WNT7A: variants seen among roughly 807,000 people sequenced by gnomAD.
The protein encoded by WNT7A is protein Wnt-7a.
WNT7A carries 16 observed loss-of-function variants against 28.2 expected under a neutral mutation model. The ratio of observed to expected loss-of-function variants is 0.57; its 90% CI spans 0.38 to 0.86. The LOEUF (loss-of-function observed/expected upper bound fraction) is 0.86. Ranked by LOEUF, WNT7A falls within the 40% of genes least tolerant of loss-of-function variation. WNT7A has a pLI of 0.00. For missense variants in WNT7A, 411 were observed against 489.7 expected (o/e 0.84, Z 1.52); for synonymous variants, 190 against 195.9 (o/e 0.97, Z 0.25).
intron 1 of WNT7A, among the ~76,000 whole-genome samples, chr3:13,879,207 G>A (rs1194757774): frequency 2.0e-5 from 3 of 152,222 alleles, no homozygotes; most frequent in Non-Finnish European, 2.9e-5. Flanking sequence ...GGCGGTTTAT[G>A]TTTTTGCCAG....
chr3:13,856,921 A>AAGG (rs1694746886), intron 2 of WNT7A, among the ~76,000 whole-genome samples: 2 of 104,966 alleles, frequency 1.9e-5, no homozygotes, highest in African/African-American at 4.7e-5. Context: ...GAAGAAGAAG[A>AAGG]AGAAGAAGAA....
At chr3:13,842,536 G>A (rs1333625419) in intron 3 of WNT7A, among the ~76,000 whole-genome samples, 2 of 152,220 alleles carry the variant, frequency 1.3e-5, no homozygotes, top group Non-Finnish European at 2.9e-5. Context: ...TGGTGGCTTG[G>A]ATCATGAGCT....
intron 2 of WNT7A, among the ~76,000 whole-genome samples, chr3:13,856,536 G>A (rs114591729): frequency 0.016 from 2,401 of 152,214 alleles, 75 homozygotes; most frequent in African/African-American, 0.055. Context: ...TCTCTGAGGG[G>A]GCCAGGCATG....
At chr3:13,830,482 C>G (rs1294944747) in intron 3 of WNT7A, among the ~76,000 whole-genome samples, 2 of 152,202 alleles carry the variant, frequency 1.3e-5, no homozygotes, top group African/African-American at 4.8e-5. Context: ...CCATCATCCT[C>G]TGTGTGTGGC....
intron 3 of WNT7A, among the ~76,000 whole-genome samples, chr3:13,824,839 CA>C (rs1694167724): frequency 6.6e-6 from 1 of 152,198 alleles, no homozygotes; most frequent in South Asian, 2.1e-4. Context: ...AAGAGCCTCA[CA>C]GGGACCTTAT....
chr3:13,832,473 C>A (rs1694297625), intron 3 of WNT7A, among the ~76,000 whole-genome samples: 1 of 151,308 alleles, frequency 6.6e-6, no homozygotes, highest in African/African-American at 2.4e-5. Context: ...TCCTGCTCTT[C>A]CTCCTCCTCC....
At chr3:13,840,668 C>A (rs1694443167) in intron 3 of WNT7A, among the ~76,000 whole-genome samples, 1 of 152,058 alleles carries the variant, frequency 6.6e-6, no homozygotes, top group Non-Finnish European at 1.5e-5. Context: ...ACCCAAACAT[C>A]CATCCAACCA....
At chr3:13,860,033 G>C (rs912966487) in intron 2 of WNT7A, among the ~76,000 whole-genome samples, 1 of 152,080 alleles carries the variant, frequency 6.6e-6, no homozygotes, top group Non-Finnish European at 1.5e-5. Flanking sequence ...CAAGGCATGA[G>C]CACAGAGTTA....
chr3:13,851,217 A>G lies in WNT7A; in HGVS notation c.570+3315T>C, dbSNP rs79480515. On this transcript the variant is annotated intron_variant, in intron 3 of 3. Coordinates refer to ENST00000285018, the MANE Select transcript of WNT7A (RefSeq NM_004625.4). ...CCCAGACAGGGCCAGAAACCTGCCC[A>G]AGCACTGCCCCACCAAAGCCTCTTC... Among the ~76,000 whole-genome samples the G allele has an allele frequency of 7.7e-3, 1,171 of 152,268 alleles. 17 individuals carry two copies. Among genetic ancestry groups the G allele is most frequent in the African/African-American group, 0.026 (1,072 of 41,546 alleles).
At chr3:13,879,723 G>C in intron 1 of WNT7A, 23 bp downstream of exon 1, 1 of 1,610,096 alleles carries the variant, frequency 6.2e-7, no homozygotes, top group Non-Finnish European at 8.5e-7. Context: ...AACACGCGCG[G>C]AAAGGGCGCA....
rs781226883 is a variant in WNT7A, at chr3:13,854,594, G to A, written c.508C>T (p.Arg170Trp). 3.1e-6 allele frequency: 5 copies of A among 1,614,056 alleles called. No individual in the cohort carries two copies. Among genetic ancestry groups the A allele is most frequent in the Non-Finnish European group, 3.4e-6 (4 of 1,180,024 alleles). Residue 170 changes from arginine (R) to tryptophan (W), a missense_variant, in exon 3 of 4, where the codon CGG becomes TGG. By Grantham distance (101) the Arg-to-Trp change is moderately radical. Transcript: ENST00000285018. ...GTCCGGGCATTCTGCTTGATCTCCC[G>A]GGCATCCACAAAGACCTTGGCGAAG... The part of the protein sequence containing the change: ...IGFAKVFVDA[R>W]EIKQNARTLM...
intron 3 of WNT7A, among the ~76,000 whole-genome samples, chr3:13,843,845 C>CAGAAG (rs1694499138): frequency 1.3e-5 from 2 of 151,676 alleles, no homozygotes; most frequent in Non-Finnish European, 2.9e-5. Context: ...CTCCTGGGTT[C>CAGAAG]AATTGATTCT....
intron 2 of WNT7A, among the ~76,000 whole-genome samples, chr3:13,858,776 C>T (rs1437925820): frequency 1.3e-5 from 2 of 152,154 alleles, no homozygotes; most frequent in South Asian, 2.1e-4. Context: ...CTGGTAAAGT[C>T]CAGTCCTTCT....
chr3:13,869,649 T>TAGAA (rs60338381), intron 2 of WNT7A, among the ~76,000 whole-genome samples: 141,365 of 143,518 alleles, frequency 0.98, 69,645 homozygotes, highest in South Asian at 1. Context: ...CACAGAAAAG[T>TAGAA]AGAAAGAAAG....
chr3:13,821,793 T>A (rs1293907373), intron 3 of WNT7A, among the ~76,000 whole-genome samples: 1 of 152,218 alleles, frequency 6.6e-6, no homozygotes, highest in African/African-American at 2.4e-5. Context: ...GGGGCTGTGG[T>A]TGGCCAGGGG....
chr3:13,866,961 A>T (rs973065241), intron 2 of WNT7A, among the ~76,000 whole-genome samples: 1 of 152,106 alleles, frequency 6.6e-6, no homozygotes, highest in Non-Finnish European at 1.5e-5. Context: ...AACTGGACAG[A>T]TTGGGGGATA....
intron 2 of WNT7A, among the ~76,000 whole-genome samples, chr3:13,861,704 G>T (rs1055413476): frequency 2.0e-5 from 3 of 152,206 alleles, no homozygotes; most frequent in African/African-American, 7.2e-5. Flanking sequence ...ACCGGAGGAG[G>T]TGAGGCTGTG....
chr3:13,820,928 G>T (rs1306702152), intron 3 of WNT7A, among the ~76,000 whole-genome samples: 2 of 152,270 alleles, frequency 1.3e-5, no homozygotes, highest in East Asian at 1.9e-4. Context: ...AGAACACCTG[G>T]CATCACAGAG....
chr3:13,840,775 C>T (rs999042337), intron 3 of WNT7A, among the ~76,000 whole-genome samples: 4 of 152,098 alleles, frequency 2.6e-5, no homozygotes, highest in Admixed American at 2.6e-4. Context: ...TAGCAAATAT[C>T]CATCCATCCA....
Sources: allele counts gnomAD v4.1 joint callset (sites outside exome capture counted in the v4.1 genomes callset), GRCh38; gene constraint gnomAD v4.1.1; transcripts MANE v1.5; gene names NCBI Gene and HGNC (gene_info 2026-07-23, HGNC 2026-07-21).